The following BRINP3 variants were observed in gnomAD, a reference collection of about 807,000 sequenced individuals.
The protein encoded by BRINP3 is BMP/retinoic acid inducible neural specific 3.
In BRINP3, 19 loss-of-function variants were observed where a neutral mutation model predicts 71.0. That is an observed-to-expected ratio of 0.27 (90% CI 0.19 to 0.39). The LOEUF (loss-of-function observed/expected upper bound fraction) is 0.39, where lower values mean the gene tolerates loss of function less well. BRINP3 is among the 10% of genes least tolerant of loss of function. The pLI is 1.00. For missense variants in BRINP3, 959 were observed against 940.8 expected (o/e 1.02, Z -0.25); for synonymous variants, 380 against 337.7 (o/e 1.13, Z -1.37).
intron 2 of BRINP3, among the ~76,000 whole-genome samples, chr1:190,329,355 C>T (rs1666814130): frequency 6.6e-6 from 1 of 151,606 alleles, no homozygotes; most frequent in Non-Finnish European, 1.5e-5. Context: ...AATCAACATA[C>T]AAAAATCAGG....
chr1:190,203,939 A>G lies in BRINP3; in HGVS notation c.961+22143T>C, dbSNP rs1338140166. Among the ~76,000 whole-genome samples, 4 of 150,516 alleles carry G rather than the reference A, an allele frequency of 2.7e-5. No homozygotes were observed. The South Asian group carries it at 8.3e-4, about 31-fold the overall frequency. ...AATGAAAGAACACCCAATCAGAAAG[A>G]CCATATATATTGTAGATTGGAATTT... On this transcript the variant is annotated intron_variant, in intron 6 of 7. Transcript: ENST00000367462.
intron 2 of BRINP3, among the ~76,000 whole-genome samples, chr1:190,380,930 C>T (rs574174481): frequency 1.3e-5 from 2 of 152,108 alleles, no homozygotes; most frequent in Admixed American, 6.6e-5. Flanking sequence ...TATCCCTCCT[C>T]ATTATGATAT....
intron 2 of BRINP3, among the ~76,000 whole-genome samples, chr1:190,307,825 G>A (rs1323790930): frequency 1.3e-5 from 2 of 151,888 alleles, no homozygotes; most frequent in African/African-American, 4.8e-5. Context: ...CTGCAAGATG[G>A]TGGATTGTCC....
chr1:190,259,663 T>A (rs199818632), intron 4 of BRINP3, among the ~76,000 whole-genome samples: 15 of 124,286 alleles, frequency 1.2e-4, no homozygotes, highest in East Asian at 2.5e-4. Context: ...AATAAATAAA[T>A]AAAATAAAGT....
chr1:190,333,079 A>T (rs1465771272), intron 2 of BRINP3, among the ~76,000 whole-genome samples: 1 of 152,016 alleles, frequency 6.6e-6, no homozygotes, highest in African/African-American at 2.4e-5. Context: ...AAGTACTACC[A>T]ACATTTTTGG....
chr1:190,139,901 C>A (rs1423466550), intron 7 of BRINP3, among the ~76,000 whole-genome samples: 1 of 152,150 alleles, frequency 6.6e-6, no homozygotes, highest in African/African-American at 2.4e-5. Flanking sequence ...AAACCACAAT[C>A]CTTGTCTCTG....
intron 2 of BRINP3, among the ~76,000 whole-genome samples, chr1:190,375,554 A>G (rs911082487): frequency 6.6e-6 from 1 of 151,942 alleles, no homozygotes; most frequent in African/African-American, 2.4e-5. Flanking sequence ...AATTTATAAA[A>G]ATCTCTATAT....
At chr1:190,354,866 A>G (rs910760362) in intron 2 of BRINP3, among the ~76,000 whole-genome samples, 7 of 151,204 alleles carry the variant, frequency 4.6e-5, no homozygotes, top group Admixed American at 2.0e-4. Context: ...GATCCTGTAT[A>G]CCTCTATTTA....
intron 6 of BRINP3, among the ~76,000 whole-genome samples, chr1:190,189,744 T>A (rs1186457926): frequency 4.0e-4 from 61 of 152,168 alleles, no homozygotes; most frequent in Non-Finnish European, 1.5e-5. Flanking sequence ...TATCAGACAA[T>A]TTATAATTAC....
chr1:190,125,991 C>T (rs1173067832), intron 7 of BRINP3, among the ~76,000 whole-genome samples: 1 of 119,924 alleles, frequency 8.3e-6, no homozygotes, highest in African/African-American at 3.1e-5. Flanking sequence ...CTATAAAAGG[C>T]CTTCCTAACA....
chr1:190,408,019 C>T (rs376821578), intron 2 of BRINP3, among the ~76,000 whole-genome samples: 9 of 99,784 alleles, frequency 9.0e-5, no homozygotes, highest in South Asian at 3.7e-4. Flanking sequence ...CTACATTTGT[C>T]TTTTTTTTTT....
intron 2 of BRINP3, among the ~76,000 whole-genome samples, chr1:190,406,154 C>T (rs1672265443): frequency 6.6e-6 from 1 of 152,122 alleles, no homozygotes. Context: ...ACATTATGTA[C>T]AGTTACAGCA....
At chr1:190,395,758 T>C (rs1671524858) in intron 2 of BRINP3, among the ~76,000 whole-genome samples, 1 of 151,762 alleles carries the variant, frequency 6.6e-6, no homozygotes, top group East Asian at 1.9e-4. Context: ...TTATCAACGA[T>C]TCTTAACTAA....
In BRINP3 at chr1:190,270,769, A is replaced by T. The variant is rs575314438; in HGVS notation, c.428-5714T>A. ...TGAAGTAATTGGTAAGTTCATAACCAATACTATAGCTAAAATAAAGCTCTA... is the reference window on the plus strand; with the variant it reads ...TGAAGTAATTGGTAAGTTCATAACCTATACTATAGCTAAAATAAAGCTCTA... On this transcript the variant is annotated intron_variant, in intron 3 of 7. Coordinates refer to ENST00000367462, the MANE Select transcript of BRINP3 (RefSeq NM_199051.3). Among the ~76,000 whole-genome samples, 18 of 151,766 alleles carry T rather than the reference A, an allele frequency of 1.2e-4. No homozygotes were observed. The South Asian group carries it at 3.7e-3, about 31-fold the overall frequency.
chr1:190,336,809 C>A (rs1352651251), intron 2 of BRINP3, among the ~76,000 whole-genome samples: 1 of 105,404 alleles, frequency 9.5e-6, no homozygotes, highest in Admixed American at 1.1e-4. Context: ...CTCCTTCACT[C>A]CCTCCCTTCC....
At chr1:190,194,396 C>T (rs181954213) in intron 6 of BRINP3, among the ~76,000 whole-genome samples, 1 of 151,570 alleles carries the variant, frequency 6.6e-6, no homozygotes, top group East Asian at 2.0e-4. Flanking sequence ...TTATAACAGC[C>T]CTAGGACACA....
chr1:190,264,351 C>T (rs971026574), intron 4 of BRINP3, among the ~76,000 whole-genome samples: 1 of 152,066 alleles, frequency 6.6e-6, no homozygotes, highest in African/African-American at 2.4e-5. Context: ...TATTTTGCCT[C>T]CTAGAAACCC....
At chr1:190,303,880 A>C (rs1664904713) in intron 2 of BRINP3, among the ~76,000 whole-genome samples, 1 of 151,852 alleles carries the variant, frequency 6.6e-6, no homozygotes, top group Admixed American at 6.6e-5. Context: ...GGTATTTAAA[A>C]ATACAACTGA....
intron 1 of BRINP3, among the ~76,000 whole-genome samples, chr1:190,462,481 G>T (rs1222333846): frequency 6.6e-6 from 1 of 151,902 alleles, no homozygotes; most frequent in African/African-American, 2.4e-5. Flanking sequence ...TAATAATAAA[G>T]AAACAGGAAT....
Sources: gnomAD v4.1 joint callset for allele counts (sites outside exome capture counted in the v4.1 genomes callset) on GRCh38, gnomAD v4.1.1 for gene constraint, MANE v1.5 for transcripts, NCBI Gene and HGNC (gene_info 2026-07-23, HGNC 2026-07-21) for gene names.